ALDH7A1: variants seen among roughly 807,000 people sequenced by gnomAD.
ALDH7A1 encodes the protein aldehyde dehydrogenase 7 family member A1, also known as alpha-aminoadipic semialdehyde dehydrogenase.
A neutral mutation model predicts 79.9 loss-of-function variants in ALDH7A1; 63 were observed. That is an observed-to-expected ratio of 0.79 (90% CI 0.64 to 0.97). The LOEUF (loss-of-function observed/expected upper bound fraction) is 0.97. ALDH7A1 is among the 50% of genes least tolerant of loss of function. ALDH7A1 has a pLI of 0.00. For synonymous variants in ALDH7A1, 240 were observed against 231.2 expected (o/e 1.04, Z -0.34); for missense variants, 627 against 665.2 (o/e 0.94, Z 0.63).
chr5:126,545,378 G>A (rs1373938629), intron 17 of ALDH7A1, among the ~76,000 whole-genome samples: 4 of 151,832 alleles, frequency 2.6e-5, no homozygotes, highest in African/African-American at 7.2e-5. Flanking sequence ...AGGCTCAAGC[G>A]ATTCTCCTGC....
chr5:126,582,188 A>G, intron 5 of ALDH7A1: 1 of 398,588 alleles, frequency 2.5e-6, no homozygotes, highest in Non-Finnish European at 4.4e-6. Context: ...AATTGAAAGC[A>G]TTCACTACTT....
chr5:126,576,930 AAAAAT>A (rs1283869985), intron 6 of ALDH7A1, 144 bp downstream of exon 6: 14 of 1,110,690 alleles, frequency 1.3e-5, no homozygotes, highest in South Asian at 9.8e-5. Context: ...TCCATCTCAA[AAAAAT>A]AAAATAAAAT....
At chr5:126,548,268 A>T (rs1303016597) in intron 16 of ALDH7A1, among the ~76,000 whole-genome samples, 11 of 151,828 alleles carry the variant, frequency 7.2e-5, no homozygotes, top group Admixed American at 7.2e-4. Flanking sequence ...TGCACCTCAG[A>T]CTCACGAGTA....
intron 14 of ALDH7A1, among the ~76,000 whole-genome samples, chr5:126,550,781 CAAT>C (rs1749969452): frequency 6.6e-6 from 1 of 152,154 alleles, no homozygotes; most frequent in Non-Finnish European, 1.5e-5. Context: ...ATACGTGAAA[CAAT>C]GATAGGCAAT....
intron 3 of ALDH7A1, among the ~76,000 whole-genome samples, chr5:126,590,886 A>G (rs1751531003): frequency 6.9e-6 from 1 of 144,790 alleles, no homozygotes; most frequent in Non-Finnish European, 1.5e-5. Context: ...CCCTGTCTTA[A>G]AAAAAAAAAA....
intron 5 of ALDH7A1, among the ~76,000 whole-genome samples, chr5:126,578,372 A>G (rs1031686597): frequency 6.6e-6 from 1 of 152,170 alleles, no homozygotes; most frequent in Non-Finnish European, 1.5e-5. Context: ...AGCTAGGAGC[A>G]GTGGCTCATG....
In ALDH7A1 at chr5:126,546,232, C is replaced by T. The variant is rs544254512; in HGVS notation, c.1565+92G>A. 1.4e-4 allele frequency: 162 copies of T among 1,161,414 alleles called. No individual in the cohort carries two copies. In the African/African-American group the frequency reaches 2.0e-3, roughly 14 times the overall value. The allele number at this position is 1,161,414 out of a possible 1,614,324, so 71.9% of individuals were successfully genotyped here. On this transcript the variant is annotated intron_variant, in intron 17 of 17. Transcript: ENST00000409134. ...GCTGGAAAAATCAAATCAAATGACA[C>T]TGCACAAAGACAGCACAGACAGTAG...
At chr5:126,574,681 C>G (rs975387392) in intron 7 of ALDH7A1, among the ~76,000 whole-genome samples, 2 of 150,702 alleles carry the variant, frequency 1.3e-5, no homozygotes, top group Non-Finnish European at 2.9e-5. Flanking sequence ...AGTGACAGAG[C>G]AAGACTCCAT....
chr5:126,582,955 T>C lies in ALDH7A1; in HGVS notation c.413A>G (p.Lys138Arg). The part of the protein sequence containing the change: ...LGSLVSLEMG[K>R]ILVEGVGEVQ... ...TTCACCCACACCTTCCACTAAGATT[T>C]TCCCCATCTCCAAAGACACCTAGAA... The change falls in exon 5 of 18, where the codon AAA (lysine) becomes AGA (arginine). Residue 138 changes from lysine (K) to arginine (R), a missense_variant. Physicochemically the swap from Lys to Arg is conservative, Grantham distance 26. Transcript: ENST00000409134. 6.2e-7 allele frequency: 1 copy of C among 1,613,960 alleles called. No homozygotes were observed. The highest frequency in any genetic ancestry group is 8.5e-7 in the Non-Finnish European group (1 of 1,179,966).
At chr5:126,558,166 C>CAAAAAAAAAAAAAAAAAA (rs35559498) in intron 11 of ALDH7A1, among the ~76,000 whole-genome samples, 7 of 75,422 alleles carry the variant, frequency 9.3e-5, no homozygotes, top group Non-Finnish European at 1.4e-4. Context: ...GACTCCAACT[C>CAAAAAAAAAAAAAAAAAA]AAAAAAAAAA....
intron 9 of ALDH7A1, among the ~76,000 whole-genome samples, chr5:126,567,476 A>T (rs1214196600): frequency 6.6e-6 from 1 of 151,976 alleles, no homozygotes; most frequent in Non-Finnish European, 1.5e-5. Flanking sequence ...TTCCTTTCAT[A>T]ACTTTTTTTT....
chr5:126,568,235 C>T (rs751019176), intron 9 of ALDH7A1, 24 bp downstream of exon 9: 1 of 1,607,268 alleles, frequency 6.2e-7, no homozygotes, highest in Non-Finnish European at 8.5e-7. Flanking sequence ...GAATTAAAAT[C>T]CTCATTAGAA....
intron 11 of ALDH7A1, among the ~76,000 whole-genome samples, chr5:126,557,519 G>C (rs538428882): frequency 6.6e-6 from 1 of 151,714 alleles, no homozygotes; most frequent in South Asian, 2.1e-4. Flanking sequence ...CCTGGAGGTG[G>C]AGGTTACGGT....
At chr5:126,582,784 A>T in intron 5 of ALDH7A1, 67 bp downstream of exon 5, 1 of 1,585,540 alleles carries the variant, frequency 6.3e-7, no homozygotes, top group African/African-American at 1.3e-5. Context: ...TAGCCAGAGT[A>T]TTTTATTTTT....
chr5:126,592,624 G>A, intron 3 of ALDH7A1, 40 bp downstream of exon 3: 1 of 1,593,250 alleles, frequency 6.3e-7, no homozygotes, highest in Non-Finnish European at 8.6e-7. Flanking sequence ...AATAGGCAAA[G>A]TGATCTTTTC....
At chr5:126,564,729 G>T (rs1581374772) in intron 9 of ALDH7A1, 1 of 434,646 alleles carries the variant, frequency 2.3e-6, no homozygotes, top group Non-Finnish European at 3.9e-6. Flanking sequence ...ATAGCATAGC[G>T]CTATGCTAGG....
chr5:126,555,900 G>C (rs754356713), intron 12 of ALDH7A1, 31 bp downstream of exon 12: 14 of 1,525,944 alleles, frequency 9.2e-6, no homozygotes, highest in Non-Finnish European at 1.3e-5. Flanking sequence ...CTCAAAAAGG[G>C]ATCGCTTTGA....
At chr5:126,580,058 T>G (rs565247831) in intron 5 of ALDH7A1, 6 of 167,734 alleles carry the variant, frequency 3.6e-5, no homozygotes, top group African/African-American at 1.4e-4. Flanking sequence ...TGCTTGCACA[T>G]GTACATATCC....
intron 13 of ALDH7A1, among the ~76,000 whole-genome samples, chr5:126,553,876 G>A (rs1049978400): frequency 2.0e-5 from 3 of 151,604 alleles, no homozygotes; most frequent in South Asian, 2.1e-4. Flanking sequence ...AGGAGGCCAG[G>A]GTGGGTGGAT....
Sources: allele counts gnomAD v4.1 joint callset (sites outside exome capture counted in the v4.1 genomes callset), GRCh38; gene constraint gnomAD v4.1.1; transcripts MANE v1.5; gene names NCBI Gene and HGNC (gene_info 2026-07-23, HGNC 2026-07-21).